The following KCNQ1OT1 variants were observed in gnomAD, a reference collection of about 807,000 sequenced individuals.
KCNQ1OT1 encodes the protein KCNQ1 opposite strand/antisense transcript 1.
Position 2,671,696 on chromosome 11 carries a change from G to A in KCNQ1OT1, n.28299C>T, listed in dbSNP as rs1850186451. On this transcript the variant is annotated non_coding_transcript_exon_variant, in exon 1 of 1. Coordinates refer to ENST00000597346, the Ensembl canonical transcript of KCNQ1OT1. This position sits in a 1 kb window ranked among gnomAD's most constrained non-coding sequence, Gnocchi z 4.7. ...GGGGTGACTTTGCAAGGCAATAGAG[G>A]GTACTTGGGAAGTAGGGTGGTAGGC... 4 of 398,654 alleles carry A rather than the reference G, an allele frequency of 1.0e-5. No homozygotes were observed. The highest frequency in any genetic ancestry group is 1.3e-5 in the Non-Finnish European group (3 of 226,180). 24.7% of individuals were successfully genotyped at this position (398,654 alleles called of 1,614,324 possible).
exon 1 of KCNQ1OT1, chr11:2,625,212 C>T: frequency 5.0e-6 from 2 of 398,578 alleles, no homozygotes; most frequent in Non-Finnish European, 8.8e-6. Context: ...ACAAGGATTC[C>T]AATTTCTCCA....
chr11:2,655,467 C>T (rs539190318), exon 1 of KCNQ1OT1: 146 of 398,672 alleles, frequency 3.7e-4, no homozygotes, highest in African/African-American at 2.6e-3. Flanking sequence ...GGCATTGCTC[C>T]GGTACCTCCT....
exon 1 of KCNQ1OT1, chr11:2,681,435 G>A: frequency 2.5e-6 from 1 of 398,470 alleles, no homozygotes; most frequent in African/African-American, 2.1e-5. Context: ...CAGCTCTAGG[G>A]GATTTTGGGA....
rs2133869085 is a variant in KCNQ1OT1 at position 2,671,708 on chromosome 11, G to C, written n.28287C>G. ...CAAGGCAATAGAGGGTACTTGGGAA[G>C]TAGGGTGGTAGGCAAGGCTTTTCAG... is the stretch of plus-strand genomic sequence containing the variant. On this transcript the variant is annotated non_coding_transcript_exon_variant, in exon 1 of 1. Coordinates refer to ENST00000597346, the Ensembl canonical transcript of KCNQ1OT1. The surrounding 1 kb of genome is among the most constrained non-coding windows in gnomAD (Gnocchi z 4.7). The C allele has an allele frequency of 2.5e-6, 1 of 398,764 alleles. No homozygotes were observed. The highest frequency in any genetic ancestry group is 2.1e-5 in the African/African-American group (1 of 48,768). The allele number at this position is 398,764 out of a possible 1,614,324, so 24.7% of individuals were successfully genotyped here. A position where few individuals can be genotyped will look rare whatever the true frequency, so the allele number is the denominator to read the frequency against.
exon 1 of KCNQ1OT1, chr11:2,696,781 T>C (rs74984745): frequency 0.014 from 5,759 of 398,636 alleles, 204 homozygotes; most frequent in East Asian, 0.096. Context: ...TCTTTGTTAA[T>C]TCCTAGACTG....
chr11:2,699,857 G>A (rs1850762677), exon 1 of KCNQ1OT1: 4 of 396,536 alleles, frequency 1.0e-5, no homozygotes, highest in East Asian at 3.6e-5. Context: ...GGGGCGCACC[G>A]GGAGAATCGT....
rs898766811 is a variant in KCNQ1OT1, at chr11:2,659,213, G to A, written n.40782C>T. On this transcript the variant is annotated non_coding_transcript_exon_variant, in exon 1 of 1. Coordinates refer to ENST00000597346, the Ensembl canonical transcript of KCNQ1OT1. This position sits in a 1 kb window ranked among gnomAD's most constrained non-coding sequence, Gnocchi z 4.3. ...TGTCCACAATCCAGTATCATTCACA[G>A]AAGTTCCATACCCCTAAAAATACCC... The A allele has an allele frequency of 1.8e-5, 7 of 398,506 alleles. No homozygotes were observed. Among genetic ancestry groups the A allele is most frequent in the Non-Finnish European group, 1.8e-5 (4 of 226,070 alleles). 24.7% of individuals were successfully genotyped at this position (398,506 alleles called of 1,614,324 possible).
At chr11:2,625,601 G>A (rs1216991835) in exon 1 of KCNQ1OT1, 14 of 388,978 alleles carry the variant, frequency 3.6e-5, no homozygotes, top group Non-Finnish European at 4.9e-5. Context: ...TTTTGAGATG[G>A]AGTCTCACTC....
exon 1 of KCNQ1OT1, chr11:2,684,507 A>T: frequency 2.5e-6 from 1 of 398,624 alleles, no homozygotes; most frequent in Non-Finnish European, 4.4e-6. Flanking sequence ...TATTCCTCCT[A>T]TTCCACTGTT....
exon 1 of KCNQ1OT1, chr11:2,632,594 T>C: frequency 2.5e-6 from 1 of 398,386 alleles, no homozygotes; most frequent in East Asian, 3.6e-5. Context: ...GTGATACATG[T>C]ATATAATGTG....
exon 1 of KCNQ1OT1, chr11:2,615,450 C>G (rs1849045146): frequency 2.5e-6 from 1 of 397,912 alleles, no homozygotes. Context: ...TTCAATAGCA[C>G]TGGGTAAAGC....
chr11:2,631,679 T>C (rs1849355373), exon 1 of KCNQ1OT1: 1 of 398,594 alleles, frequency 2.5e-6, no homozygotes, highest in East Asian at 3.6e-5. Context: ...ATCTGCTCAC[T>C]TGATGGAGTG....
chr11:2,675,457 GA>G (rs1191312560), exon 1 of KCNQ1OT1: 6 of 398,570 alleles, frequency 1.5e-5, no homozygotes, highest in Non-Finnish European at 2.7e-5. Context: ...TCTGAAAATG[GA>G]AAAAAGTTAC....
Position 2,611,900 on chromosome 11 carries a change from A to G in KCNQ1OT1, n.88095T>C, listed in dbSNP as rs1435717724. Reference sequence around the variant, plus strand: ...TTTAAAGTGTAATCTGGAGGTTACAATAAGCAGCTTAAGCAAAAACAATCT... The same window carrying G: ...TTTAAAGTGTAATCTGGAGGTTACAGTAAGCAGCTTAAGCAAAAACAATCT... On this transcript the variant is annotated non_coding_transcript_exon_variant, in exon 1 of 1. Coordinates refer to ENST00000597346, the Ensembl canonical transcript of KCNQ1OT1. The surrounding 1 kb of genome is among the most constrained non-coding windows in gnomAD (Gnocchi z 5.3). 5.0e-6 allele frequency: 2 copies of G among 398,410 alleles called. No homozygotes were observed. The highest frequency in any genetic ancestry group is 2.1e-5 in the African/African-American group (1 of 48,612). 24.7% of individuals were successfully genotyped at this position (398,410 alleles called of 1,614,324 possible). A position where few individuals can be genotyped will look rare whatever the true frequency, so the allele number is the denominator to read the frequency against.
In KCNQ1OT1 at chr11:2,688,539, C is replaced by G. The variant is rs561574999; in HGVS notation, n.11456G>C. 10 of 398,734 alleles carry G rather than the reference C, an allele frequency of 2.5e-5. No individual in the cohort carries two copies. In the Admixed American group the frequency reaches 3.1e-4, roughly 12 times the overall value. 24.7% of individuals were successfully genotyped at this position (398,734 alleles called of 1,614,324 possible). On this transcript the variant is annotated non_coding_transcript_exon_variant, in exon 1 of 1. Transcript: ENST00000597346. ...AGGTCACACAGCCAGGCCAGTGGCC[C>G]TAGTGTCAAGGTTCCACACCACAGC...
rs887154446 is a variant in KCNQ1OT1, at chr11:2,695,570, A to C, written n.4425T>G. On this transcript the variant is annotated non_coding_transcript_exon_variant, in exon 1 of 1. Coordinates refer to ENST00000597346, the Ensembl canonical transcript of KCNQ1OT1. This position sits in a 1 kb window ranked among gnomAD's most constrained non-coding sequence, Gnocchi z 5.2. ...GGGCCATGCTGCCCTGAGCATGCACACACACAGCCTCTCGTTGTTCTGGGT... is the reference window on the plus strand; with the variant it reads ...GGGCCATGCTGCCCTGAGCATGCACCCACACAGCCTCTCGTTGTTCTGGGT... 5.0e-6 allele frequency: 2 copies of C among 398,518 alleles called. No individual in the cohort carries two copies. The highest frequency in any genetic ancestry group is 4.1e-5 in the African/African-American group (2 of 48,624). The allele number at this position is 398,518 out of a possible 1,614,324, so 24.7% of individuals were successfully genotyped here.
chr11:2,670,094 G>T lies in KCNQ1OT1; in HGVS notation n.29901C>A, dbSNP rs151126111. 6.1e-4 allele frequency: 243 copies of T among 398,718 alleles called. 1 individual carries two copies. Among genetic ancestry groups the T allele is most frequent in the Admixed American group, 1.1e-3 (25 of 22,744 alleles). 24.7% of individuals were successfully genotyped at this position (398,718 alleles called of 1,614,324 possible). A position where few individuals can be genotyped will look rare whatever the true frequency, so the allele number is the denominator to read the frequency against. On this transcript the variant is annotated non_coding_transcript_exon_variant, in exon 1 of 1. Coordinates refer to ENST00000597346, the Ensembl canonical transcript of KCNQ1OT1. The surrounding 1 kb of genome is among the most constrained non-coding windows in gnomAD (Gnocchi z 4.9). ...GGGTTGGAGGCAGAATCAGTGGACT[G>T]TGTCTCATGGCAGTCACAGGTGCCC...
chr11:2,627,054 C>G lies in KCNQ1OT1; in HGVS notation n.72941G>C. 2.5e-6 allele frequency: 1 copy of G among 398,534 alleles called. No homozygotes were observed. The highest frequency in any genetic ancestry group is 4.4e-6 in the Non-Finnish European group (1 of 226,046). The allele number at this position is 398,534 out of a possible 1,614,324, so 24.7% of individuals were successfully genotyped here. A position where few individuals can be genotyped will look rare whatever the true frequency, so the allele number is the denominator to read the frequency against. ...CAATATTGGCCTTCCAATCCATGAA[C>G]ATAGGAGGTGTTTTCCCTTTATGTC... On this transcript the variant is annotated non_coding_transcript_exon_variant, in exon 1 of 1. Coordinates refer to ENST00000597346, the Ensembl canonical transcript of KCNQ1OT1. The surrounding 1 kb of genome is among the most constrained non-coding windows in gnomAD (Gnocchi z 4.9).
Position 2,669,146 on chromosome 11 carries a change from G to C in KCNQ1OT1, n.30849C>G. The C allele has an allele frequency of 2.5e-6, 1 of 398,708 alleles. No homozygotes were observed. Among genetic ancestry groups the C allele is most frequent in the Non-Finnish European group, 4.4e-6 (1 of 226,118 alleles). The allele number at this position is 398,708 out of a possible 1,614,324, so 24.7% of individuals were successfully genotyped here. On this transcript the variant is annotated non_coding_transcript_exon_variant, in exon 1 of 1. Coordinates refer to ENST00000597346, the Ensembl canonical transcript of KCNQ1OT1. This position sits in a 1 kb window ranked among gnomAD's most constrained non-coding sequence, Gnocchi z 5.6. ...TTCTGGACCCTATTGGGTGCCACTG[G>C]TCAGATTCAAGTTGTTCTTTGTGGC...
Sources: gnomAD v4.1 joint callset for allele counts on GRCh38, gnomAD v4.1.1 for gene constraint, Gnocchi (gnomAD v3.1) non-coding constraint, MANE v1.5 for transcripts, NCBI Gene and HGNC (gene_info 2026-07-23, HGNC 2026-07-21) for gene names.